Variants in DTNA observed in about 807,000 individuals in gnomAD.
DTNA encodes dystrophin-related protein 3.
Under a neutral mutation model 100.7 loss-of-function variants are expected in DTNA, and 43 were observed. The observed-to-expected ratio is 0.43, with a 90% CI of 0.33 to 0.55. DTNA has a LOEUF of 0.55. DTNA is among the 20% of genes least tolerant of loss of function. The pLI is 0.04. For synonymous variants in DTNA, 349 were observed against 347.9 expected (o/e 1.00, Z -0.04); for missense variants, 798 against 953.9 (o/e 0.84, Z 2.15).
intron 18 of DTNA, among the ~76,000 whole-genome samples, chr18:34,877,339 C>T (rs1267704403): frequency 6.6e-6 from 1 of 152,188 alleles, no homozygotes; most frequent in Non-Finnish European, 1.5e-5. Flanking sequence ...CCTGGAAAAC[C>T]TGATTTTTCA....
At chr18:34,798,244 C>T (rs1357365702) in intron 4 of DTNA, among the ~76,000 whole-genome samples, 1 of 152,148 alleles carries the variant, frequency 6.6e-6, no homozygotes, top group Non-Finnish European at 1.5e-5. Context: ...AAGCAATCCA[C>T]CTGCCTCAGC....
chr18:34,660,218 C>T lies in DTNA; in HGVS notation c.-1-95758C>T, dbSNP rs546215510. 3.8e-4 allele frequency among the ~76,000 whole-genome samples: 58 copies of T among 152,156 alleles called. No homozygotes were observed. The South Asian group carries it at 3.9e-3, about 10-fold the overall frequency. On this transcript the variant is annotated intron_variant, in intron 1 of 19. Coordinates refer to the DTNA transcript ENST00000283365. ...ATAAAATTCTAAGCCCCCCAACCATCGGAATGGACCCCTCCTCTCAGCCAA... is the reference window on the plus strand; with the variant it reads ...ATAAAATTCTAAGCCCCCCAACCATTGGAATGGACCCCTCCTCTCAGCCAA...
chr18:34,511,549 G>T (rs1468654888), intron 1 of DTNA, among the ~76,000 whole-genome samples: 3 of 152,176 alleles, frequency 2.0e-5, no homozygotes, highest in South Asian at 2.1e-4. Flanking sequence ...GGCCAGCATA[G>T]CTCCTAGTTG....
intron 1 of DTNA, among the ~76,000 whole-genome samples, chr18:34,535,948 A>C (rs574896192): frequency 1.2e-4 from 18 of 152,158 alleles, no homozygotes; most frequent in African/African-American, 4.3e-4. Flanking sequence ...TTATTCTTCT[A>C]ATAATTTCTC....
chr18:34,745,708 A>G (rs529793718), intron 1 of DTNA, among the ~76,000 whole-genome samples: 2 of 152,290 alleles, frequency 1.3e-5, no homozygotes, highest in South Asian at 4.1e-4. Context: ...AGATGTGTCC[A>G]CTGTAATTGG....
At chr18:34,865,319 TTTC>T (rs1311739819) in intron 17 of DTNA, among the ~76,000 whole-genome samples, 1 of 152,138 alleles carries the variant, frequency 6.6e-6, no homozygotes, top group East Asian at 1.9e-4. Flanking sequence ...TTCTTCCCTT[TTTC>T]TTCATTTTTT....
At chr18:34,808,038 A>G (rs1269642469) in intron 5 of DTNA, among the ~76,000 whole-genome samples, 1 of 152,110 alleles carries the variant, frequency 6.6e-6, no homozygotes, top group African/African-American at 2.4e-5. Context: ...AGATAAATGT[A>G]AAAAACAAAA....
At chr18:34,856,084 T>C (rs1043594878) in intron 15 of DTNA, among the ~76,000 whole-genome samples, 2 of 152,080 alleles carry the variant, frequency 1.3e-5, no homozygotes, top group Non-Finnish European at 2.9e-5. Flanking sequence ...CTTTAAGGAC[T>C]AGAGAGGAAA....
At chr18:34,845,615 A>C (rs2096363030) in intron 13 of DTNA, among the ~76,000 whole-genome samples, 1 of 152,188 alleles carries the variant, frequency 6.6e-6, no homozygotes, top group Non-Finnish European at 1.5e-5. Context: ...ATGAGCCAGA[A>C]ATGATAAACA....
chr18:34,768,090 A>G (rs1168757129), intron 3 of DTNA, among the ~76,000 whole-genome samples: 1 of 152,112 alleles, frequency 6.6e-6, no homozygotes, highest in African/African-American at 2.4e-5. Flanking sequence ...AAAAGGAAGA[A>G]TCTCCGTGTT....
chr18:34,788,165 C>A (rs2094575487), intron 3 of DTNA, among the ~76,000 whole-genome samples: 1 of 152,106 alleles, frequency 6.6e-6, no homozygotes, highest in Non-Finnish European at 1.5e-5. Context: ...TATTACACAA[C>A]CTAAATGTCA....
chr18:34,763,943 A>T (rs2093336018), intron 2 of DTNA, among the ~76,000 whole-genome samples: 1 of 152,180 alleles, frequency 6.6e-6, no homozygotes, highest in African/African-American at 2.4e-5. Flanking sequence ...GATGACAAGG[A>T]CTGTTGCACA....
intron 1 of DTNA, among the ~76,000 whole-genome samples, chr18:34,519,877 A>G (rs1463158978): frequency 6.6e-6 from 1 of 152,120 alleles, no homozygotes; most frequent in African/African-American, 2.4e-5. Context: ...AAGTCACATG[A>G]TTTGCTGGAG....
chr18:34,817,519 T>C (rs566234200), intron 7 of DTNA, among the ~76,000 whole-genome samples: 37 of 152,284 alleles, frequency 2.4e-4, no homozygotes, highest in African/African-American at 8.7e-4. Context: ...TTGAATTATT[T>C]AGAACTGTTT....
intron 1 of DTNA, among the ~76,000 whole-genome samples, chr18:34,608,033 T>A (rs1277618958): frequency 1.3e-5 from 2 of 152,312 alleles, no homozygotes; most frequent in South Asian, 2.1e-4. Context: ...TAAATTGCTA[T>A]GATGGATGCC....
intron 1 of DTNA, among the ~76,000 whole-genome samples, chr18:34,494,245 G>A (rs1403949207): frequency 1.3e-5 from 2 of 151,998 alleles, no homozygotes; most frequent in African/African-American, 2.4e-5. Flanking sequence ...CAGTCTGAGG[G>A]GTACTGACTG....
intron 6 of DTNA, among the ~76,000 whole-genome samples, chr18:34,815,212 T>C (rs1228393630): frequency 6.6e-6 from 1 of 152,208 alleles, no homozygotes; most frequent in Non-Finnish European, 1.5e-5. Context: ...TTTTTTTATT[T>C]ATACCATTAC....
chr18:34,853,629 G>A (rs2096512966), intron 15 of DTNA, among the ~76,000 whole-genome samples: 1 of 152,060 alleles, frequency 6.6e-6, no homozygotes, highest in African/African-American at 2.4e-5. Flanking sequence ...CCCCCAGGGA[G>A]ATGTGCTCAC....
At chr18:34,873,985 G>C (rs1006729463) in intron 17 of DTNA, among the ~76,000 whole-genome samples, 2 of 152,100 alleles carry the variant, frequency 1.3e-5, no homozygotes, top group Non-Finnish European at 2.9e-5. Flanking sequence ...GCACCCCATG[G>C]GTTATTTTCT....
Sources: allele counts gnomAD v4.1 joint callset (sites outside exome capture counted in the v4.1 genomes callset), GRCh38; gene constraint gnomAD v4.1.1; transcripts MANE v1.5; gene names NCBI Gene and HGNC (gene_info 2026-07-23, HGNC 2026-07-21).